The following RRAGC variants were observed in gnomAD, a reference collection of about 807,000 sequenced individuals.
RRAGC encodes ras-related GTP-binding protein C.
RRAGC carries 8 observed loss-of-function variants against 37.1 expected under a neutral mutation model. The observed-to-expected ratio is 0.22, with a 90% CI of 0.13 to 0.39. The LOEUF is 0.39. RRAGC is among the 10% of genes least tolerant of loss of function. The pLI, the probability that RRAGC is intolerant of heterozygous loss-of-function variation, is 1.00. For missense variants in RRAGC, 342 were observed against 497.6 expected (o/e 0.69, Z 2.98); for synonymous variants, 190 against 181.1 (o/e 1.05, Z -0.39).
rs1011289604 is a variant in RRAGC at position 38,859,689 on chromosome 1, A to G, written c.-43T>C. 4 of 1,374,814 alleles carry G rather than the reference A, an allele frequency of 2.9e-6. No individual in the cohort carries two copies. Among genetic ancestry groups the G allele is most frequent in the African/African-American group, 1.5e-5 (1 of 65,526 alleles). The allele number at this position is 1,374,814 out of a possible 1,614,324, so 85.2% of individuals were successfully genotyped here. On this transcript the variant is annotated 5_prime_UTR_variant, in exon 1 of 7. Coordinates refer to ENST00000373001, the MANE Select transcript of RRAGC (RefSeq NM_022157.4). ...CGCCCGCGCCCTGACAGGCCAGGCC[A>G]GGCCGAGCCAGGCCGCCGCCTCCCC...
chr1:38,859,668 C>T lies in RRAGC; in HGVS notation c.-22G>A. On this transcript the variant is annotated 5_prime_UTR_variant, in exon 1 of 7. Transcript: ENST00000373001. ...ACATGGTGCTGGAGCCGCCGCCGCC[C>T]GCGCCCTGACAGGCCAGGCCAGGCC... The T allele has an allele frequency of 6.5e-7, 1 of 1,529,520 alleles. No homozygotes were observed. The highest frequency in any genetic ancestry group is 8.8e-7 in the Non-Finnish European group (1 of 1,138,098). The allele number at this position is 1,529,520 out of a possible 1,614,324, so 94.7% of individuals were successfully genotyped here. A position where few individuals can be genotyped will look rare whatever the true frequency, so the allele number is the denominator to read the frequency against.
At chr1:38,848,652 T>G (rs140336565) in intron 5 of RRAGC, among the ~76,000 whole-genome samples, 2 of 152,296 alleles carry the variant, frequency 1.3e-5, no homozygotes, top group African/African-American at 4.8e-5. Context: ...TTAACAGTTT[T>G]TAAGACTATT....
intron 6 of RRAGC, among the ~76,000 whole-genome samples, chr1:38,842,181 A>G (rs529282922): frequency 6.6e-6 from 1 of 152,304 alleles, no homozygotes; most frequent in East Asian, 1.9e-4. Context: ...CTGAGGCAGG[A>G]GAATGGCATG....
rs1233347898 is a variant in RRAGC at position 38,839,675 on chromosome 1, G to A, written c.1078C>T (p.Arg360Ter). The part of the protein sequence containing the change: ...GLIDYNFHCF[R>*]KAIHEVFEVG... ...TCAAAAACCTCATGAATAGCTTTTC[G>A]GAAACAGTGGAAGTTGTAGTCTATT... Residue 360 changes from arginine to a stop codon, truncating the protein, a stop_gained, in exon 7 of 7, where the codon CGA (arginine) becomes TGA (stop). Coordinates refer to ENST00000373001, the MANE Select transcript of RRAGC (RefSeq NM_022157.4). LOFTEE classifies it high-confidence loss of function. The A allele has an allele frequency of 3.1e-6, 5 of 1,613,994 alleles. No homozygotes were observed. The highest frequency in any genetic ancestry group is 4.2e-6 in the Non-Finnish European group (5 of 1,180,014).
At chr1:38,858,681 C>T (rs1264887226) in intron 1 of RRAGC, among the ~76,000 whole-genome samples, 2 of 152,226 alleles carry the variant, frequency 1.3e-5, no homozygotes, top group African/African-American at 2.4e-5. Context: ...GCCTGGGCGA[C>T]AGAGCGAGAG....
chr1:38,848,908 A>T (rs1045313630), intron 5 of RRAGC, among the ~76,000 whole-genome samples: 2 of 151,944 alleles, frequency 1.3e-5, no homozygotes, highest in Non-Finnish European at 2.9e-5. Flanking sequence ...AAGACAGGAG[A>T]ATCACTTGAG....
At chr1:38,855,520 G>A (rs921123274) in intron 3 of RRAGC, among the ~76,000 whole-genome samples, 188 bp downstream of exon 3, 3 of 152,090 alleles carry the variant, frequency 2.0e-5, no homozygotes, top group Non-Finnish European at 2.9e-5. Flanking sequence ...CCAGGAAAAC[G>A]CAAAAAGTGG....
At chr1:38,841,253 C>G (rs1450733821) in intron 6 of RRAGC, among the ~76,000 whole-genome samples, 1 of 152,112 alleles carries the variant, frequency 6.6e-6, no homozygotes, top group Non-Finnish European at 1.5e-5. Context: ...GAGAAGCTCT[C>G]CAGGAAACAT....
chr1:38,841,865 G>T (rs183538016), intron 6 of RRAGC, among the ~76,000 whole-genome samples: 29 of 152,082 alleles, frequency 1.9e-4, no homozygotes, highest in Admixed American at 1.7e-3. Flanking sequence ...GGCTGGGCGC[G>T]GTGGCTCACG....
intron 5 of RRAGC, 165 bp downstream of exon 5, chr1:38,851,450 C>A: frequency 1.9e-6 from 1 of 522,906 alleles, no homozygotes; most frequent in South Asian, 5.2e-5. Context: ...GACCCAGCAG[C>A]CAACTTCCAG....
At chr1:38,840,147 C>CA (rs397939319) in intron 6 of RRAGC, among the ~76,000 whole-genome samples, 2,420 of 44,696 alleles carry the variant, frequency 0.054, 92 homozygotes, top group African/African-American at 0.14. Flanking sequence ...GACTCCAACT[C>CA]AAAAAAAAAA....
intron 1 of RRAGC, among the ~76,000 whole-genome samples, chr1:38,858,130 C>A (rs1642189718): frequency 7.3e-6 from 1 of 136,202 alleles, no homozygotes; most frequent in Admixed American, 7.1e-5. Flanking sequence ...AGTCAACGTA[C>A]CCAAGTTTTG....
chr1:38,842,197 G>A (rs965591015), intron 6 of RRAGC, among the ~76,000 whole-genome samples: 6 of 152,140 alleles, frequency 3.9e-5, no homozygotes, highest in Admixed American at 6.5e-5. Flanking sequence ...GCATGAACCC[G>A]GGAGGCGGAG....
At chr1:38,854,208 C>A (rs1356971066) in intron 3 of RRAGC, among the ~76,000 whole-genome samples, 3 of 151,826 alleles carry the variant, frequency 2.0e-5, no homozygotes, top group Admixed American at 2.0e-4. Flanking sequence ...GCTGGGACTA[C>A]AGGCACACAC....
intron 4 of RRAGC, 40 bp downstream of exon 4, chr1:38,852,334 T>C: frequency 9.5e-7 from 1 of 1,058,034 alleles, no homozygotes; most frequent in Non-Finnish European, 1.5e-6. Context: ...AAAAATGGAA[T>C]CAGAAGCTGC....
At chr1:38,854,913 A>T (rs973590016) in intron 3 of RRAGC, among the ~76,000 whole-genome samples, 3 of 152,226 alleles carry the variant, frequency 2.0e-5, no homozygotes, top group African/African-American at 7.2e-5. Context: ...CGTCAAGAGA[A>T]TATTTTCTTG....
At chr1:38,842,457 A>G (rs1195370152) in intron 6 of RRAGC, among the ~76,000 whole-genome samples, 1 of 152,194 alleles carries the variant, frequency 6.6e-6, no homozygotes, top group Non-Finnish European at 1.5e-5. Context: ...TAAAAATGAG[A>G]ATCAAATAAG....
chr1:38,859,676 G>GA lies in RRAGC; in HGVS notation c.-31dup. 6.6e-7 allele frequency: 1 copy of GA among 1,521,288 alleles called. No homozygotes were observed. Among genetic ancestry groups the GA allele is most frequent in the East Asian group, 2.6e-5 (1 of 39,116 alleles). The allele number at this position is 1,521,288 out of a possible 1,614,324, so 94.2% of individuals were successfully genotyped here. The stretch of plus-strand genomic sequence containing the variant: ...CTGGAGCCGCCGCCGCCCGCGCCCT[G>GA]ACAGGCCAGGCCAGGCCGAGCCAGG... On this transcript the variant is annotated 5_prime_UTR_variant, in exon 1 of 7. Transcript: ENST00000373001.
intron 6 of RRAGC, among the ~76,000 whole-genome samples, chr1:38,843,012 G>C (rs1331029534): frequency 6.6e-6 from 1 of 152,112 alleles, no homozygotes; most frequent in Admixed American, 6.5e-5. Flanking sequence ...CAAAGGAAGG[G>C]ATTTCAATTG....
Sources: allele counts gnomAD v4.1 joint callset (sites outside exome capture counted in the v4.1 genomes callset), GRCh38; gene constraint gnomAD v4.1.1; transcripts MANE v1.5; gene names NCBI Gene and HGNC (gene_info 2026-07-23, HGNC 2026-07-21).